Variants in SPIDR observed in about 807,000 individuals in gnomAD.
The protein encoded by SPIDR is DNA repair-scaffolding protein.
Under a neutral mutation model 104.6 loss-of-function variants are expected in SPIDR, and 93 were observed. That is an observed-to-expected ratio of 0.89 (90% confidence interval 0.75 to 1.06). The LOEUF (loss-of-function observed/expected upper bound fraction) is 1.06. Among genes scored for constraint, SPIDR ranks in the 50% least tolerant of loss-of-function variants. The pLI is 0.00. For synonymous variants in SPIDR, 431 were observed against 416.9 expected, an observed-to-expected ratio of 1.03 and a Z score of -0.41; for missense variants, 1,154 against 1,111.2, an observed-to-expected ratio of 1.04 and a Z score of -0.55.
intron 10 of SPIDR, among the ~76,000 whole-genome samples, chr8:47,658,967 ACT>A (rs2073516958): frequency 6.7e-6 from 1 of 148,306 alleles, no homozygotes; most frequent in Non-Finnish European, 1.5e-5. Flanking sequence ...AAAAGAAAAG[ACT>A]CTTCTCAGCG....
At chr8:47,290,917 C>T in intron 3 of SPIDR, 116 bp from the exon 4 acceptor site, 2 of 622,830 alleles carry the variant, frequency 3.2e-6, no homozygotes, top group South Asian at 5.9e-5. Context: ...CATTGCTTTT[C>T]CTATCACAGA....
intron 11 of SPIDR, among the ~76,000 whole-genome samples, chr8:47,676,699 G>A (rs577958700): frequency 6.6e-6 from 1 of 152,216 alleles, no homozygotes; most frequent in Admixed American, 6.5e-5. Context: ...TTGTATGTTT[G>A]GGCTAAGTCA....
intron 11 of SPIDR, among the ~76,000 whole-genome samples, chr8:47,695,711 G>A (rs1382307915): frequency 1.3e-5 from 2 of 152,202 alleles, no homozygotes; most frequent in African/African-American, 4.8e-5. Context: ...GGACTGGAGA[G>A]TGGAAATCTT....
intron 7 of SPIDR, among the ~76,000 whole-genome samples, chr8:47,427,767 C>G (rs1249857011): frequency 6.6e-6 from 1 of 152,082 alleles, no homozygotes; most frequent in Non-Finnish European, 1.5e-5. Flanking sequence ...TTGTCGCAAG[C>G]GTGTAGCCAG....
At chr8:47,389,821 G>A (rs782787778) in intron 5 of SPIDR, among the ~76,000 whole-genome samples, 6 of 151,976 alleles carry the variant, frequency 3.9e-5, no homozygotes, top group Non-Finnish European at 8.8e-5. Context: ...TGTTTTTAAG[G>A]TACTGGGAAA....
intron 8 of SPIDR, among the ~76,000 whole-genome samples, chr8:47,582,755 G>A (rs936114932): frequency 2.0e-5 from 3 of 150,646 alleles, no homozygotes; most frequent in Admixed American, 6.6e-5. Context: ...TAACACTTTC[G>A]GAGGCAGAGG....
At chr8:47,512,158 G>T in intron 8 of SPIDR, 2 of 403,820 alleles carry the variant, frequency 5.0e-6, no homozygotes, top group Non-Finnish European at 9.2e-6. Context: ...CATCCCATGC[G>T]CCTCCCCACA....
At chr8:47,448,314 C>T (rs1197987011) in intron 8 of SPIDR, among the ~76,000 whole-genome samples, 1 of 152,124 alleles carries the variant, frequency 6.6e-6, no homozygotes, top group East Asian at 1.9e-4. Flanking sequence ...TGTATTAAAT[C>T]ATCATGAAGA....
intron 1 of SPIDR, among the ~76,000 whole-genome samples, chr8:47,264,634 CT>C (rs1221495043): frequency 1.6e-3 from 230 of 143,128 alleles, no homozygotes; most frequent in Non-Finnish European, 1.4e-3. Flanking sequence ...TTGAGATTTT[CT>C]TTTTTTTTTT....
intron 10 of SPIDR, among the ~76,000 whole-genome samples, chr8:47,618,052 T>G (rs1041589214): frequency 2.0e-5 from 3 of 152,304 alleles, no homozygotes; most frequent in Admixed American, 6.5e-5. Flanking sequence ...TGCCAGTAAG[T>G]GCACTGCAGA....
intron 3 of SPIDR, among the ~76,000 whole-genome samples, chr8:47,290,159 C>T (rs1342376057): frequency 6.6e-6 from 1 of 151,944 alleles, no homozygotes; most frequent in African/African-American, 2.4e-5. Flanking sequence ...CCTGCCTCAG[C>T]CCCCCCTGAG....
intron 10 of SPIDR, among the ~76,000 whole-genome samples, chr8:47,602,064 G>C (rs1309443350): frequency 1.3e-5 from 2 of 152,146 alleles, no homozygotes; most frequent in African/African-American, 2.4e-5. Context: ...ATCTGCCTTC[G>C]AGACACATTT....
chr8:47,529,385 G>T (rs1367447267), intron 8 of SPIDR, among the ~76,000 whole-genome samples: 2 of 151,862 alleles, frequency 1.3e-5, no homozygotes, highest in Non-Finnish European at 2.9e-5. Flanking sequence ...ATCACTGCAC[G>T]CCTGGGCAAC....
intron 10 of SPIDR, among the ~76,000 whole-genome samples, chr8:47,659,265 G>A (rs1284315463): frequency 6.6e-6 from 1 of 152,116 alleles, no homozygotes; most frequent in Admixed American, 6.5e-5. Context: ...TCTCAGAAGG[G>A]GAAAAAGGCT....
At chr8:47,655,981 A>G (rs931249282) in intron 10 of SPIDR, among the ~76,000 whole-genome samples, 2 of 152,216 alleles carry the variant, frequency 1.3e-5, no homozygotes, top group Non-Finnish European at 2.9e-5. Flanking sequence ...GAGTCATTCC[A>G]ATCAATGGTT....
chr8:47,403,724 C>T (rs1325385892), intron 6 of SPIDR, among the ~76,000 whole-genome samples: 2 of 152,188 alleles, frequency 1.3e-5, no homozygotes, highest in African/African-American at 2.4e-5. Context: ...AATGGAAGAA[C>T]ATTTCATGCT....
rs528040685 is a variant in SPIDR at position 47,317,789 on chromosome 8, C to T, written c.525+23759C>T. On this transcript the variant is annotated intron_variant, in intron 5 of 19. Coordinates refer to ENST00000297423, the MANE Select transcript of SPIDR (RefSeq NM_001080394.4). Reference sequence around the variant, plus strand: ...TCAGGCAGCAACATTTCCTGCTCACCGGTATCCGCTGTTCTGCAGCCTCCA... The same window carrying T: ...TCAGGCAGCAACATTTCCTGCTCACTGGTATCCGCTGTTCTGCAGCCTCCA... 2.4e-4 allele frequency among the ~76,000 whole-genome samples: 37 copies of T among 152,238 alleles called. No homozygotes were observed. The South Asian group carries it at 3.9e-3, about 16-fold the overall frequency.
intron 5 of SPIDR, among the ~76,000 whole-genome samples, chr8:47,351,843 G>A (rs1554622558): frequency 6.6e-6 from 1 of 152,188 alleles, no homozygotes; most frequent in African/African-American, 2.4e-5. Flanking sequence ...TTTTAGATCA[G>A]GAACTTGAGC....
At chr8:47,308,087 A>G (rs1554582506) in intron 5 of SPIDR, among the ~76,000 whole-genome samples, 1 of 151,918 alleles carries the variant, frequency 6.6e-6, no homozygotes. Flanking sequence ...TTTGAGGCAG[A>G]GTCTCACTCT....
Sources: allele counts gnomAD v4.1 joint callset (sites outside exome capture counted in the v4.1 genomes callset), GRCh38; gene constraint gnomAD v4.1.1; transcripts MANE v1.5; gene names NCBI Gene and HGNC (gene_info 2026-07-23, HGNC 2026-07-21).